The following NDUFB1 variants were observed in gnomAD, a reference collection of about 807,000 sequenced individuals.
The protein encoded by NDUFB1 is NADH:ubiquinone oxidoreductase subunit B1, also known as NADH dehydrogenase [ubiquinone] 1 beta subcomplex subunit 1.
NDUFB1 carries 6 observed loss-of-function variants against 6.7 expected under a neutral mutation model. That is an observed-to-expected ratio of 0.89 (90% CI 0.49 to 1.76). The LOEUF (loss-of-function observed/expected upper bound fraction) is 1.76, where lower values mean the gene tolerates loss of function less well. Among genes scored for constraint, NDUFB1 ranks in the 40% most tolerant of loss-of-function variants. The probability of loss-of-function intolerance (pLI) is 0.01; values close to 1 mark genes in which losing one functional copy is unlikely to be tolerated. For missense variants in NDUFB1, 56 were observed against 71.0 expected, an observed-to-expected ratio of 0.79 and a Z score of 0.76; for synonymous variants, 17 against 22.9, an observed-to-expected ratio of 0.74 and a Z score of 0.74.
At position 92,116,180 on chromosome 14, in the gene NDUFB1, A is replaced by G. The variant is rs767320904; in HGVS notation, c.*13T>C. 16 of 1,609,518 alleles carry G rather than the reference A, an allele frequency of 9.9e-6. No individual in the cohort carries two copies. The highest frequency in any genetic ancestry group is 1.4e-5 in the Non-Finnish European group (16 of 1,176,106). On this transcript the variant is annotated 3_prime_UTR_variant, in exon 3 of 3. Coordinates refer to ENST00000605997, the MANE Select transcript of NDUFB1 (RefSeq NM_004545.4). Reference sequence around the variant, plus strand: ...AACTTTAAAATGTGAACATTCGATAATCTAGCCAGTCTTTACTTCCAGGTA... The same window carrying G: ...AACTTTAAAATGTGAACATTCGATAGTCTAGCCAGTCTTTACTTCCAGGTA...
chr14:92,121,576 A>G, intron 1 of NDUFB1, 66 bp downstream of exon 1: 10 of 1,605,698 alleles, frequency 6.2e-6, no homozygotes, highest in Non-Finnish European at 8.5e-6. Flanking sequence ...GGGCTTGCCT[A>G]GAACCCTCCC....
intron 1 of NDUFB1, chr14:92,118,952 G>C: frequency 2.7e-6 from 1 of 375,542 alleles, no homozygotes; most frequent in Non-Finnish European, 5.2e-6. Context: ...CCAGCCTGGG[G>C]GATACAGCGA....
At chr14:92,116,766 A>G (rs1358153514) in intron 2 of NDUFB1, among the ~76,000 whole-genome samples, 1 of 152,146 alleles carries the variant, frequency 6.6e-6, no homozygotes, top group African/African-American at 2.4e-5. Flanking sequence ...AAAGAATTGT[A>G]ATTACTTAGT....
intron 1 of NDUFB1, 99 bp downstream of exon 1, chr14:92,121,543 C>T: frequency 6.4e-7 from 1 of 1,551,936 alleles, no homozygotes; most frequent in Non-Finnish European, 8.8e-7. Context: ...CCAGACCACC[C>T]CTCCACACAT....
intron 1 of NDUFB1, 116 bp from the exon 2 acceptor site, chr14:92,117,758 G>T: frequency 9.8e-7 from 1 of 1,025,528 alleles, no homozygotes; most frequent in Non-Finnish European, 1.4e-6. Flanking sequence ...AGCACTTTGG[G>T]ATGCTGAGGT....
At chr14:92,116,332 T>A (rs2068716869) in intron 2 of NDUFB1, 103 bp from the exon 3 acceptor site, 48 of 229,792 alleles carry the variant, frequency 2.1e-4, no homozygotes, top group Non-Finnish European at 3.1e-4. Context: ...TTTCATTTTC[T>A]TTTTTTTTTT....
Position 92,117,570 on chromosome 14 carries a change from A to T in NDUFB1, c.68T>A (p.Ile23Asn). The change falls in exon 2 of 3, where the codon ATT becomes AAT. Residue 23 changes from isoleucine (I) to asparagine (N), a missense_variant. By Grantham distance (149) the Ile-to-Asn change is moderately radical. Transcript: ENST00000605997. ...VHVLVPMGFV[I>N]GCYLDRKSDE... ...ACTCTTTCTGTCTAAATAACATCCA[A>T]TGACAAATCCCATAGGGACAAGAAC... 6.2e-7 allele frequency: 1 copy of T among 1,614,042 alleles called. No individual in the cohort carries two copies. Among genetic ancestry groups the T allele is most frequent in the Non-Finnish European group, 8.5e-7 (1 of 1,179,970 alleles).
chr14:92,117,714 T>C, intron 1 of NDUFB1, 72 bp from the exon 2 acceptor site: 1 of 1,477,358 alleles, frequency 6.8e-7, no homozygotes, highest in Non-Finnish European at 9.3e-7. Context: ...AAATTGCATC[T>C]GGGCCAGGTG....
At chr14:92,117,403 G>T in intron 2 of NDUFB1, 95 bp downstream of exon 2, 1 of 1,286,072 alleles carries the variant, frequency 7.8e-7, no homozygotes, top group Admixed American at 1.7e-5. Context: ...GTCCTCAAGG[G>T]GGAAAAATTA....
chr14:92,121,706 T>C lies in NDUFB1; in HGVS notation c.-70A>G, dbSNP rs1010579579. On this transcript the variant is annotated 5_prime_UTR_variant, in exon 1 of 3. Coordinates refer to ENST00000605997, the MANE Select transcript of NDUFB1 (RefSeq NM_004545.4). ...CAACAGGGAACTCAACCCGCGCCAG[T>C]GGAAGCTGCGACCTCGGGACCTGCC... The C allele has an allele frequency of 1.9e-6, 3 of 1,613,266 alleles. No individual in the cohort carries two copies. The highest frequency in any genetic ancestry group is 1.6e-4 in the Middle Eastern group (1 of 6,062).
rs763194386 is a variant in NDUFB1, at chr14:92,116,176, G to A, written c.*17C>T. On this transcript the variant is annotated 3_prime_UTR_variant, in exon 3 of 3. Transcript: ENST00000605997. ...TCAGAACTTTAAAATGTGAACATTC[G>A]ATAATCTAGCCAGTCTTTACTTCCA... 41 of 1,606,712 alleles carry A rather than the reference G, an allele frequency of 2.6e-5. No homozygotes were observed. The highest frequency in any genetic ancestry group is 4.5e-5 in the East Asian group (2 of 44,834).
intron 1 of NDUFB1, 96 bp from the exon 2 acceptor site, chr14:92,117,738 C>A: frequency 3.2e-6 from 4 of 1,240,482 alleles, no homozygotes; most frequent in Admixed American, 2.1e-5. Flanking sequence ...TGGTTCATGC[C>A]TGTAATCCTA....
At position 92,116,232 on chromosome 14, in the gene NDUFB1, G is replaced by A. The variant is rs2141436731; in HGVS notation, c.141-3C>T. On this transcript the variant is annotated splice_region_variant and splice_polypyrimidine_tract_variant and intron_variant, in intron 2 of 2. Coordinates refer to ENST00000605997, the MANE Select transcript of NDUFB1 (RefSeq NM_004545.4). ...CTTCTTCACTGGGTTGCAATTCCCT[G>A]TGTGGAAAGCAAAAAAGGAAGAAAT... 1.2e-6 allele frequency: 2 copies of A among 1,611,364 alleles called. No homozygotes were observed. Among genetic ancestry groups the A allele is most frequent in the Non-Finnish European group, 1.7e-6 (2 of 1,178,772 alleles).
At chr14:92,117,219 C>CT (rs1279513567) in intron 2 of NDUFB1, among the ~76,000 whole-genome samples, 10 of 152,168 alleles carry the variant, frequency 6.6e-5, no homozygotes, top group Non-Finnish European at 1.5e-4. Context: ...TGGCCAGCTA[C>CT]TTTTAAACTG....
chr14:92,117,392 A>C, intron 2 of NDUFB1, 106 bp downstream of exon 2: 1 of 1,129,004 alleles, frequency 8.9e-7, no homozygotes, highest in Non-Finnish European at 1.3e-6. Context: ...TTTGAATCTA[A>C]GTCCTCAAGG....
chr14:92,119,642 T>C (rs1246611233), intron 1 of NDUFB1, among the ~76,000 whole-genome samples: 2 of 152,228 alleles, frequency 1.3e-5, no homozygotes, highest in African/African-American at 4.8e-5. Flanking sequence ...TTTCGATTTT[T>C]TGATTTTGAA....
intron 1 of NDUFB1, 141 bp from the exon 2 acceptor site, chr14:92,117,783 A>G: frequency 2.5e-6 from 2 of 805,566 alleles, no homozygotes; most frequent in Non-Finnish European, 3.9e-6. Flanking sequence ...AGATCACTTG[A>G]GATTAGGAGT....
chr14:92,117,717 G>C, intron 1 of NDUFB1, 75 bp from the exon 2 acceptor site: 1 of 1,443,864 alleles, frequency 6.9e-7, no homozygotes, highest in Non-Finnish European at 9.5e-7. Context: ...TTGCATCTGG[G>C]CCAGGTGCGG....
intron 2 of NDUFB1, among the ~76,000 whole-genome samples, chr14:92,117,019 T>C (rs1427659661): frequency 6.6e-6 from 1 of 152,186 alleles, no homozygotes; most frequent in African/African-American, 2.4e-5. Context: ...AGAGGAGCCA[T>C]CTCTAGAGGC....
Sources: gnomAD v4.1 joint callset for allele counts (sites outside exome capture counted in the v4.1 genomes callset) on GRCh38, gnomAD v4.1.1 for gene constraint, MANE v1.5 for transcripts, NCBI Gene and HGNC (gene_info 2026-07-23, HGNC 2026-07-21) for gene names.